Variants in SPTBN5 observed in about 807,000 individuals in gnomAD.
The protein encoded by SPTBN5 is spectrin beta chain, non-erythrocytic 5.
SPTBN5 carries 513 observed loss-of-function variants against 477.6 expected under a neutral mutation model. That is an observed-to-expected ratio of 1.07 (90% CI 1.00 to 1.16). SPTBN5 has a LOEUF of 1.16. Among genes scored for constraint, SPTBN5 ranks in the 50% most tolerant of loss-of-function variants. SPTBN5 has a pLI of 0.00. For missense variants in SPTBN5, 5,062 were observed against 4,731.8 expected (o/e 1.07, Z -2.05); for synonymous variants, 2,169 against 2,011.7 (o/e 1.08, Z -2.09).
intron 66 of SPTBN5, chr15:41,850,183 A>G (rs2065704763): frequency 3.6e-6 from 2 of 554,520 alleles, no homozygotes; most frequent in Non-Finnish European, 6.5e-6. Context: ...GTGAGTTAAG[A>G]AAGGCTGAGC....
Position 41,893,342 on chromosome 15 carries a change from G to C in SPTBN5, c.156C>G (p.His52Gln), listed in dbSNP as rs1172147792. Residue 52 changes from histidine (H) to glutamine (Q), a missense_variant, in exon 2 of 68, where the codon CAC (histidine) becomes CAG (glutamine). His to Gln is a conservative substitution (Grantham distance 24). Coordinates refer to ENST00000320955, the MANE Select transcript of SPTBN5 (RefSeq NM_016642.4). ...TGHIRKLQAR[H>Q]MQMQEKTFTK... ...TGAAAGTCTTCTCCTGCATCTGCATGTGCCGGGCCTGTAGCTTGCGAATGT... is the reference window on the plus strand; with the variant it reads ...TGAAAGTCTTCTCCTGCATCTGCATCTGCCGGGCCTGTAGCTTGCGAATGT... The C allele has an allele frequency of 1.9e-6, 3 of 1,613,918 alleles. No individual in the cohort carries two copies. Among genetic ancestry groups the C allele is most frequent in the Non-Finnish European group, 1.7e-6 (2 of 1,179,908 alleles).
chr15:41,866,306 C>G, intron 37 of SPTBN5, 38 bp downstream of exon 37: 1 of 1,571,586 alleles, frequency 6.4e-7, no homozygotes, highest in Non-Finnish European at 8.6e-7. Context: ...CTGGGCCACA[C>G]TTTGGGGCAG....
Position 41,868,611 on chromosome 15 carries a change from G to T in SPTBN5, c.5854-10C>A. 6.3e-7 allele frequency: 1 copy of T among 1,596,676 alleles called. No individual in the cohort carries two copies. Among genetic ancestry groups the T allele is most frequent in the African/African-American group, 1.3e-5 (1 of 75,002 alleles). ...AGGCATAGTCACGCACCTGATCCCG[G>T]GGACACGGAGGGAGAGCCGGGTGAG... On this transcript the variant is annotated splice_polypyrimidine_tract_variant and intron_variant, in intron 32 of 67. Transcript: ENST00000320955.
At chr15:41,866,285 T>G in intron 37 of SPTBN5, 56 bp from the exon 38 acceptor site, 4 of 1,572,564 alleles carry the variant, frequency 2.5e-6, no homozygotes, top group Non-Finnish European at 3.5e-6. Flanking sequence ...CTCCTAAGAC[T>G]GACATTGCCC....
At chr15:41,888,770 G>A (rs1415364285) in intron 4 of SPTBN5, among the ~76,000 whole-genome samples, 2 of 152,200 alleles carry the variant, frequency 1.3e-5, no homozygotes, top group African/African-American at 4.8e-5. Flanking sequence ...CTCACTTCCT[G>A]TTTATAAACT....
Position 41,866,140 on chromosome 15 carries a change from C to T in SPTBN5, c.6720G>A (p.Leu2240=). ...LQGLRKHWED[L]RQAMALRGQE... Reference sequence around the variant, plus strand: ...GGCCCCTGAGGGCCATTGCCTGCCTCAGGTCCTCCCAGTGCTTCCGCAGGC... The same window carrying T: ...GGCCCCTGAGGGCCATTGCCTGCCTTAGGTCCTCCCAGTGCTTCCGCAGGC... The change falls in exon 38 of 68, where the codon CTG becomes CTA. Residue 2240 remains leucine, a synonymous_variant. Transcript: ENST00000320955. The T allele has an allele frequency of 6.4e-7, 1 of 1,560,694 alleles. No individual in the cohort carries two copies. Among genetic ancestry groups the T allele is most frequent in the Non-Finnish European group, 8.7e-7 (1 of 1,153,462 alleles).
At position 41,887,966 on chromosome 15, in the gene SPTBN5, G is replaced by A. The variant is rs769946028; in HGVS notation, c.621C>T (p.Ser207=). Residue 207 remains serine, a synonymous_variant, in exon 5 of 68, where the codon AGC becomes AGT. Transcript: ENST00000320955. ...VNITDFSRSW[S]DGLGFNALIH... Reference sequence around the variant, plus strand: ...TGAGGGCATTGAAGCCCAGCCCATCGCTCCAGCTTCGGGAGAAATCTGTAA... The same window carrying A: ...TGAGGGCATTGAAGCCCAGCCCATCACTCCAGCTTCGGGAGAAATCTGTAA... 18 of 1,608,850 alleles carry A rather than the reference G, an allele frequency of 1.1e-5. No individual in the cohort carries two copies. Among genetic ancestry groups the A allele is most frequent in the African/African-American group, 2.7e-5 (2 of 74,860 alleles).
At chr15:41,848,977 A>G (rs1187056576) in intron 67 of SPTBN5, among the ~76,000 whole-genome samples, 1 of 152,188 alleles carries the variant, frequency 6.6e-6, no homozygotes, top group East Asian at 1.9e-4. Flanking sequence ...TAAATCATAT[A>G]TTGGGCTCTG....
chr15:41,875,895 C>T (rs1595489275), intron 21 of SPTBN5, among the ~76,000 whole-genome samples: 2 of 152,098 alleles, frequency 1.3e-5, no homozygotes, highest in Non-Finnish European at 2.9e-5. Flanking sequence ...GGACTTGCCA[C>T]GGAGAGTTGT....
Position 41,877,195 on chromosome 15 carries a change from T to G in SPTBN5, c.3632A>C (p.Gln1211Pro). Residue 1211 changes from glutamine to proline, a missense_variant, in exon 18 of 68, where the codon CAG becomes CCG. Physicochemically the swap from Gln to Pro is moderately conservative, Grantham distance 76. Coordinates refer to ENST00000320955, the MANE Select transcript of SPTBN5 (RefSeq NM_016642.4). ...ACCATCCACTTCTCGGCCAAACTTC[T>G]GCAGCTCCAGCCCCTCTTGCAGCCA... ...QQWLQEGLEL[Q>P]KFGREVDGFT... The G allele has an allele frequency of 6.2e-7, 1 of 1,614,002 alleles. No homozygotes were observed. Among genetic ancestry groups the G allele is most frequent in the Non-Finnish European group, 8.5e-7 (1 of 1,179,896 alleles).
chr15:41,863,729 T>A lies in SPTBN5; in HGVS notation c.7124A>T (p.Asn2375Ile), dbSNP rs767881564. The change falls in exon 41 of 68, where the codon AAT (asparagine) becomes ATT (isoleucine). Residue 2375 changes from asparagine (N) to isoleucine (I), a missense_variant. By Grantham distance (149) the Asn-to-Ile change is moderately radical. Transcript: ENST00000320955. ...EIHVLSRELD[N>I]VTKRIQEKEA... ...CTTCTCCTGAATCCTCTTGGTGACATTGTCCAGCTCTCGGGACAACACGTG... is the reference window on the plus strand; with the variant it reads ...CTTCTCCTGAATCCTCTTGGTGACAATGTCCAGCTCTCGGGACAACACGTG... 5.6e-6 allele frequency: 9 copies of A among 1,613,482 alleles called. No individual in the cohort carries two copies. The highest frequency in any genetic ancestry group is 1.7e-5 in the Admixed American group (1 of 60,018).
chr15:41,853,482 G>T, intron 58 of SPTBN5, 35 bp from the exon 59 acceptor site: 1 of 1,546,200 alleles, frequency 6.5e-7, no homozygotes, highest in African/African-American at 1.4e-5. Flanking sequence ...TGTCAGGGCT[G>T]GCTGGGGAGC....
chr15:41,889,176 G>A (rs1166064411), intron 4 of SPTBN5, among the ~76,000 whole-genome samples: 1 of 152,184 alleles, frequency 6.6e-6, no homozygotes, highest in African/African-American at 2.4e-5. Flanking sequence ...AGGGCTTGAG[G>A]TCAGTTAGAA....
Position 41,851,334 on chromosome 15 carries a change from G to A in SPTBN5, c.10692C>T (p.Asn3564=). ...SSSSWDSCRG[N]LQGSSLSLFL... is the part of the protein sequence containing the mutation. Reference sequence around the variant, plus strand: ...ACAGGCTCAGAGAGCTGCCCTGCAAGTTCCCGCGGCAGCTGTCCCAGGAGC... The same window carrying A: ...ACAGGCTCAGAGAGCTGCCCTGCAAATTCCCGCGGCAGCTGTCCCAGGAGC... The change falls in exon 64 of 68, where the codon AAC becomes AAT. Residue 3564 remains asparagine, a synonymous_variant. Transcript: ENST00000320955. The A allele has an allele frequency of 1.9e-6, 3 of 1,551,096 alleles. No homozygotes were observed. The highest frequency in any genetic ancestry group is 1.7e-6 in the Non-Finnish European group (2 of 1,146,978).
chr15:41,878,836 G>C (rs1415993341), intron 16 of SPTBN5, among the ~76,000 whole-genome samples: 1 of 152,188 alleles, frequency 6.6e-6, no homozygotes, highest in Non-Finnish European at 1.5e-5. Context: ...GGGAGGCCGA[G>C]GCAGGCAGAT....
chr15:41,853,501 G>A (rs1595442263), intron 58 of SPTBN5, 54 bp from the exon 59 acceptor site: 3 of 1,539,086 alleles, frequency 1.9e-6, no homozygotes, highest in Non-Finnish European at 2.6e-6. Flanking sequence ...GCAGGGGAGG[G>A]AGGGTCCAGC....
At chr15:41,882,871 G>C in intron 9 of SPTBN5, 125 bp downstream of exon 9, 1 of 1,370,412 alleles carries the variant, frequency 7.3e-7, no homozygotes. Context: ...GTGAGACGGA[G>C]GCTTTGGAAG....
rs752823961 is a variant in SPTBN5, at chr15:41,874,285, C to A, written c.4689+7G>T. The A allele has an allele frequency of 1.2e-6, 2 of 1,606,322 alleles. No individual in the cohort carries two copies. Among genetic ancestry groups the A allele is most frequent in the Non-Finnish European group, 1.7e-6 (2 of 1,176,136 alleles). Reference sequence around the variant, plus strand: ...CGGTAATCCTGTAGGAAGAAGAGGGCTATTACCTTGTGCTTGCGGTGAAGG... The same window carrying A: ...CGGTAATCCTGTAGGAAGAAGAGGGATATTACCTTGTGCTTGCGGTGAAGG... On this transcript the variant is annotated splice_region_variant and intron_variant, in intron 24 of 67. Transcript: ENST00000320955.
At position 41,853,605 on chromosome 15, in the gene SPTBN5, G is replaced by A; in HGVS notation, c.9957C>T (p.Phe3319=). 1 of 1,579,614 alleles carries A rather than the reference G, an allele frequency of 6.3e-7. No homozygotes were observed. The stretch of plus-strand genomic sequence containing the variant: ...ACAGCAGTTCCTGGCAGCGCCCGAG[G>A]AAGGCATGGCCCTGTGCAGCCTGCG... ...WLAQAAQGHA[F]LGRCQELLAW... is the part of the protein sequence containing the mutation. The change falls in exon 58 of 68, where the codon TTC becomes TTT. Residue 3319 remains phenylalanine (F), a synonymous_variant. Coordinates refer to ENST00000320955, the MANE Select transcript of SPTBN5 (RefSeq NM_016642.4).
Sources: gnomAD v4.1 joint callset for allele counts (sites outside exome capture counted in the v4.1 genomes callset) on GRCh38, gnomAD v4.1.1 for gene constraint, MANE v1.5 for transcripts, NCBI Gene and HGNC (gene_info 2026-07-23, HGNC 2026-07-21) for gene names.